Variants in PLCL2 observed in about 807,000 individuals in gnomAD.
PLCL2 encodes inactive phospholipase C-like protein 2.
PLCL2 carries 4 observed loss-of-function variants against 79.6 expected under a neutral mutation model. That is an observed-to-expected ratio of 0.05 (90% CI 0.02 to 0.11). PLCL2 has a LOEUF of 0.11. Ranked by LOEUF, PLCL2 falls within the 10% of genes least tolerant of loss-of-function variation. The pLI is 1.00. For synonymous variants in PLCL2, 484 were observed against 457.7 expected, an observed-to-expected ratio of 1.06 and a Z score of -0.73; for missense variants, 895 against 1,291.0, an observed-to-expected ratio of 0.69 and a Z score of 4.70.
chr3:16,976,055 GAGA>G (rs140171929), intron 1 of PLCL2, among the ~76,000 whole-genome samples: 1,737 of 152,324 alleles, frequency 0.011, 16 homozygotes, highest in Middle Eastern at 0.02. Context: ...GGTTGCTTCT[GAGA>G]AGAAGTGGGC....
At chr3:16,971,713 CTT>C (rs1260370057) in intron 1 of PLCL2, among the ~76,000 whole-genome samples, 2 of 152,250 alleles carry the variant, frequency 1.3e-5, no homozygotes, top group South Asian at 2.1e-4. Flanking sequence ...TTTGTATCCT[CTT>C]TTATTTCCTT....
chr3:16,974,097 G>A (rs1474627712), intron 1 of PLCL2, among the ~76,000 whole-genome samples: 1 of 152,172 alleles, frequency 6.6e-6, no homozygotes, highest in East Asian at 1.9e-4. Flanking sequence ...TGGGCCTTGG[G>A]AAGTATCAGG....
intron 1 of PLCL2, among the ~76,000 whole-genome samples, chr3:16,919,005 TA>T (rs1377995706): frequency 6.6e-6 from 1 of 152,136 alleles, no homozygotes. Flanking sequence ...TATTTAAAAA[TA>T]TATGGACATC....
At chr3:16,926,660 C>T (rs1697259542) in intron 1 of PLCL2, among the ~76,000 whole-genome samples, 1 of 150,910 alleles carries the variant, frequency 6.6e-6, no homozygotes, top group African/African-American at 2.4e-5. Flanking sequence ...GAGACAGAGT[C>T]TCCCTCTGTC....
At position 17,089,759 on chromosome 3, in the gene PLCL2, T is replaced by C; in HGVS notation, c.3231T>C (p.Ala1077=). The part of the protein sequence containing the change: ...LKGQADLLKY[A]KNETLENLKQ... Reference sequence around the variant, plus strand: ...GACAAGCAGATCTTTTGAAATATGCTAAGAATGAGACATTGGAGAACCTGA... The same window carrying C: ...GACAAGCAGATCTTTTGAAATATGCCAAGAATGAGACATTGGAGAACCTGA... Residue 1077 remains alanine (A), a synonymous_variant, in exon 6 of 6, where the codon GCT becomes GCC. Coordinates refer to ENST00000615277, the MANE Select transcript of PLCL2 (RefSeq NM_001144382.2). 2 of 1,611,236 alleles carry C rather than the reference T, an allele frequency of 1.2e-6. No individual in the cohort carries two copies. The highest frequency in any genetic ancestry group is 1.7e-6 in the Non-Finnish European group (2 of 1,177,894).
chr3:16,980,396 G>C (rs1342472554), intron 1 of PLCL2, among the ~76,000 whole-genome samples: 18 of 146,290 alleles, frequency 1.2e-4, no homozygotes, highest in Non-Finnish European at 4.5e-5. Context: ...GCTGCCGGCC[G>C]GAGGGGCTCC....
intron 1 of PLCL2, among the ~76,000 whole-genome samples, chr3:16,905,469 T>G (rs1015252743): frequency 1.3e-5 from 2 of 152,220 alleles, no homozygotes; most frequent in African/African-American, 2.4e-5. Flanking sequence ...TGTACTTTCT[T>G]TTTTATCTGT....
intron 2 of PLCL2, among the ~76,000 whole-genome samples, chr3:17,012,579 T>C (rs2064339143): frequency 1.3e-5 from 2 of 152,248 alleles, no homozygotes; most frequent in South Asian, 4.1e-4. Context: ...CTTACGAAGC[T>C]GTAATGCTGA....
intron 1 of PLCL2, among the ~76,000 whole-genome samples, chr3:16,936,849 A>G (rs987660102): frequency 3.3e-5 from 5 of 152,158 alleles, no homozygotes; most frequent in African/African-American, 9.7e-5. Flanking sequence ...TCTTCATGAC[A>G]GCACAGGCTT....
chr3:16,994,246 G>A (rs1472582354), intron 1 of PLCL2, among the ~76,000 whole-genome samples: 1 of 152,184 alleles, frequency 6.6e-6, no homozygotes, highest in East Asian at 1.9e-4. Context: ...TGGACCTTCT[G>A]CAGTCCAAAT....
intron 3 of PLCL2, among the ~76,000 whole-genome samples, chr3:17,035,414 G>T (rs1643856385): frequency 1.0e-5 from 1 of 98,238 alleles, no homozygotes; most frequent in Non-Finnish European, 2.0e-5. Flanking sequence ...TTCTTATCCT[G>T]ACCAGTTTTC....
In PLCL2 at chr3:17,011,836, A is replaced by G; in HGVS notation, c.2490A>G (p.Val830=). 6.2e-7 allele frequency: 1 copy of G among 1,614,238 alleles called. No homozygotes were observed. The highest frequency in any genetic ancestry group is 8.5e-7 in the Non-Finnish European group (1 of 1,180,028). Residue 830 remains valine, a synonymous_variant, in exon 2 of 6, where the codon GTA becomes GTG. Coordinates refer to ENST00000615277, the MANE Select transcript of PLCL2 (RefSeq NM_001144382.2). This position sits in a 1 kb window ranked among gnomAD's most constrained non-coding sequence, Gnocchi z 7.9. ...NLPELAMVRF[V]VLDDDYIGDE... is the part of the protein sequence containing the mutation. Reference sequence around the variant, plus strand: ...CTGAACTGGCCATGGTGCGCTTTGTAGTGCTGGATGATGACTACATTGGGG... The same window carrying G: ...CTGAACTGGCCATGGTGCGCTTTGTGGTGCTGGATGATGACTACATTGGGG...
At chr3:17,015,617 G>T (rs2064375509) in intron 3 of PLCL2, among the ~76,000 whole-genome samples, 1 of 152,020 alleles carries the variant, frequency 6.6e-6, no homozygotes, top group Admixed American at 6.5e-5. Flanking sequence ...ACCTATCAGG[G>T]TTAAGGGTTG....
chr3:16,895,346 C>A (rs1377851420), intron 1 of PLCL2, among the ~76,000 whole-genome samples: 4 of 151,964 alleles, frequency 2.6e-5, no homozygotes, highest in Non-Finnish European at 5.9e-5. Flanking sequence ...CCACTGGAGT[C>A]TTATTGTTCT....
At chr3:17,003,799 C>T (rs75538369) in intron 1 of PLCL2, among the ~76,000 whole-genome samples, 81 of 152,254 alleles carry the variant, frequency 5.3e-4, no homozygotes, top group African/African-American at 1.9e-3. Flanking sequence ...CTGCTACCCC[C>T]TGGGGCAATG....
chr3:17,000,008 T>TG (rs1469222849), intron 1 of PLCL2, among the ~76,000 whole-genome samples: 1 of 152,174 alleles, frequency 6.6e-6, no homozygotes, highest in Non-Finnish European at 1.5e-5. Context: ...AATAAGGCCA[T>TG]GATTCTAAAC....
intron 1 of PLCL2, among the ~76,000 whole-genome samples, chr3:16,976,469 A>G (rs1441047201): frequency 1.3e-5 from 2 of 152,224 alleles, no homozygotes; most frequent in African/African-American, 4.8e-5. Context: ...AAGGCCTTCA[A>G]CTAATTTGAT....
At chr3:17,048,145 A>G (rs2064800797) in intron 4 of PLCL2, among the ~76,000 whole-genome samples, 1 of 151,520 alleles carries the variant, frequency 6.6e-6, no homozygotes, top group Non-Finnish European at 1.5e-5. Context: ...AGGTTATCAG[A>G]TAAGTAAGCC....
At position 17,011,618 on chromosome 3, in the gene PLCL2, A is replaced by G. The variant is rs1440979950; in HGVS notation, c.2272A>G (p.Ile758Val). Residue 758 changes from isoleucine (I) to valine (V), a missense_variant, in exon 2 of 6, where the codon ATT becomes GTT. Ile to Val is a conservative substitution (Grantham distance 29). Around this residue, in one of 6 missense-constraint regions of PLCL2, gnomAD observed 298 missense variants for 459.6 expected, o/e 0.65. Transcript: ENST00000615277. This position sits in a 1 kb window ranked among gnomAD's most constrained non-coding sequence, Gnocchi z 7.9. ...VPGVSPQLLH[I>V]KIISGQNFPK... The stretch of plus-strand genomic sequence containing the variant: ...AGGGGTCTCACCTCAACTTCTTCAC[A>G]TTAAAATCATCAGTGGGCAGAACTT... 6.2e-7 allele frequency: 1 copy of G among 1,614,154 alleles called. No homozygotes were observed. The highest frequency in any genetic ancestry group is 8.5e-7 in the Non-Finnish European group (1 of 1,180,020).
Sources: gnomAD v4.1 joint callset for allele counts (sites outside exome capture counted in the v4.1 genomes callset) on GRCh38, gnomAD v4.1.1 for gene constraint, gnomAD v4.1.1 regional missense constraint, Gnocchi (gnomAD v3.1) non-coding constraint, MANE v1.5 for transcripts, NCBI Gene and HGNC (gene_info 2026-07-23, HGNC 2026-07-21) for gene names.